Variants in DACH1 observed in about 807,000 individuals in gnomAD.
The protein encoded by DACH1 is dachshund family transcription factor 1.
In DACH1, 12 loss-of-function variants were observed where a neutral mutation model predicts 54.2. The observed-to-expected ratio is 0.22, with a 90% CI of 0.14 to 0.36. DACH1 has a LOEUF of 0.36. Ranked by LOEUF, DACH1 falls within the 10% of genes least tolerant of loss-of-function variation. The probability of loss-of-function intolerance (pLI) is 1.00; values close to 1 mark genes in which losing one functional copy is unlikely to be tolerated. For synonymous variants in DACH1, 386 were observed against 366.2 expected (o/e 1.05, Z -0.62); for missense variants, 805 against 929.8 (o/e 0.87, Z 1.75).
intron 4 of DACH1, among the ~76,000 whole-genome samples, chr13:71,568,388 C>A (rs528145260): frequency 1.3e-5 from 2 of 152,002 alleles, no homozygotes; most frequent in Non-Finnish European, 2.9e-5. Context: ...GCACAATTCA[C>A]TTCTAGAGTA....
chr13:71,501,399 G>A (rs189483192), intron 6 of DACH1, among the ~76,000 whole-genome samples: 10 of 152,256 alleles, frequency 6.6e-5, no homozygotes, highest in African/African-American at 2.2e-4. Context: ...AAGATTATGT[G>A]TTTGTGATTT....
chr13:71,651,153 T>C (rs1878635441), intron 2 of DACH1, among the ~76,000 whole-genome samples: 1 of 152,092 alleles, frequency 6.6e-6, no homozygotes, highest in Non-Finnish European at 1.5e-5. Flanking sequence ...AGTGAAAACA[T>C]GGCTGCTCAA....
intron 6 of DACH1, among the ~76,000 whole-genome samples, chr13:71,542,081 C>A (rs898017341): frequency 8.6e-5 from 13 of 151,818 alleles, no homozygotes; most frequent in Middle Eastern, 3.4e-3. Context: ...AACTCCTTCA[C>A]TATTAAAAAT....
rs569342658 is a variant in DACH1, at chr13:71,632,134, CA to C, written c.965-1418del. 4.7e-5 allele frequency among the ~76,000 whole-genome samples: 7 copies of C among 147,522 alleles called. No homozygotes were observed. The South Asian group carries it at 6.5e-4, about 14-fold the overall frequency. On this transcript the variant is annotated intron_variant, in intron 2 of 10. Coordinates refer to ENST00000613252, the MANE Select transcript of DACH1 (RefSeq NM_080759.6). ...AAGAAAAGGAAAGAAAAGAAAAAGA[CA>C]AAAAAAAAGAAAAGAAACAGAGTTT...
At chr13:71,678,114 C>T (rs147307182) in intron 2 of DACH1, among the ~76,000 whole-genome samples, 437 of 152,198 alleles carry the variant, frequency 2.9e-3, no homozygotes, top group Non-Finnish European at 4.5e-3. Flanking sequence ...ATCTTTTTAT[C>T]GTTTTCAAAT....
intron 4 of DACH1, among the ~76,000 whole-genome samples, chr13:71,561,361 A>C (rs1410602603): frequency 6.6e-6 from 1 of 152,234 alleles, no homozygotes; most frequent in Non-Finnish European, 1.5e-5. Context: ...TAATTAGTTA[A>C]GATGAGAACA....
At chr13:71,636,501 C>T (rs1261073532) in intron 2 of DACH1, among the ~76,000 whole-genome samples, 2 of 150,436 alleles carry the variant, frequency 1.3e-5, no homozygotes, top group Non-Finnish European at 3.0e-5. Context: ...AAACAAGAAA[C>T]GATGACTTTA....
At position 71,775,627 on chromosome 13, in the gene DACH1, G is replaced by A. The variant is rs571304190; in HGVS notation, c.848+90295C>T. On this transcript the variant is annotated intron_variant, in intron 1 of 10. Coordinates refer to ENST00000613252, the MANE Select transcript of DACH1 (RefSeq NM_080759.6). ...TAACATTGTCTTAGTTGTAAAATGT[G>A]AAGTCTAAACTGAATATAGTTGTCA... 7.4e-4 allele frequency among the ~76,000 whole-genome samples: 113 copies of A among 152,152 alleles called. 1 individual carries two copies. Among genetic ancestry groups the A allele is most frequent in the Middle Eastern group, 3.4e-3 (1 of 294 alleles).
chr13:71,858,534 C>T (rs1003773076), intron 1 of DACH1, among the ~76,000 whole-genome samples: 3 of 151,574 alleles, frequency 2.0e-5, no homozygotes, highest in Non-Finnish European at 1.5e-5. Context: ...CTTCAGGATT[C>T]TTAAAGATCT....
chr13:71,549,569 G>C (rs1883674755), intron 6 of DACH1, among the ~76,000 whole-genome samples: 1 of 152,174 alleles, frequency 6.6e-6, no homozygotes, highest in Non-Finnish European at 1.5e-5. Context: ...ATACAAAAAA[G>C]TTGCTAAAAT....
At chr13:71,611,354 G>A (rs1475895829) in intron 3 of DACH1, among the ~76,000 whole-genome samples, 1 of 152,158 alleles carries the variant, frequency 6.6e-6, no homozygotes, top group African/African-American at 2.4e-5. Context: ...TAAAAAAATG[G>A]TGTTTACTAA....
chr13:71,585,073 A>AT (rs548853839), intron 3 of DACH1, among the ~76,000 whole-genome samples: 1 of 152,278 alleles, frequency 6.6e-6, no homozygotes, highest in Admixed American at 6.5e-5. Context: ...TTGTTCATTC[A>AT]TTTTTTTAGC....
At chr13:71,855,818 T>A (rs182427740) in intron 1 of DACH1, among the ~76,000 whole-genome samples, 3 of 152,048 alleles carry the variant, frequency 2.0e-5, no homozygotes, top group African/African-American at 7.2e-5. Flanking sequence ...TATTTGGAAA[T>A]GTTATTACAA....
intron 3 of DACH1, among the ~76,000 whole-genome samples, chr13:71,589,325 T>C (rs999997037): frequency 9.2e-5 from 14 of 152,022 alleles, no homozygotes; most frequent in Non-Finnish European, 1.2e-4. Context: ...AATTTCGAAC[T>C]ATGCTTTAAG....
chr13:71,625,060 A>C (rs2138553666), intron 3 of DACH1, among the ~76,000 whole-genome samples: 1 of 152,082 alleles, frequency 6.6e-6, no homozygotes, highest in Non-Finnish European at 1.5e-5. Context: ...ATAGCATGCT[A>C]TGTAAATTAC....
At chr13:71,488,976 C>A in intron 7 of DACH1, 21 bp downstream of exon 7, 1 of 1,603,224 alleles carries the variant, frequency 6.2e-7, no homozygotes, top group Non-Finnish European at 8.5e-7. Flanking sequence ...TGTCTTTCTT[C>A]CAGGTTGTAA....
At chr13:71,859,274 A>AT (rs531785638) in intron 1 of DACH1, among the ~76,000 whole-genome samples, 33 of 151,564 alleles carry the variant, frequency 2.2e-4, no homozygotes, top group Admixed American at 1.4e-3. Flanking sequence ...ATGAAAGATG[A>AT]TTTTTTTTAA....
chr13:71,558,894 C>G (rs1241811553), intron 5 of DACH1, among the ~76,000 whole-genome samples: 1 of 151,986 alleles, frequency 6.6e-6, no homozygotes, highest in Non-Finnish European at 1.5e-5. Context: ...TATAAAGTGA[C>G]TTTCTAGAAA....
chr13:71,573,670 G>A (rs962408699), intron 3 of DACH1: 6 of 435,322 alleles, frequency 1.4e-5, no homozygotes, highest in East Asian at 7.1e-5. Flanking sequence ...TATCACATTT[G>A]GAGTTGGAAA....
Sources: allele counts gnomAD v4.1 joint callset (sites outside exome capture counted in the v4.1 genomes callset), GRCh38; gene constraint gnomAD v4.1.1; transcripts MANE v1.5; gene names NCBI Gene and HGNC (gene_info 2026-07-23, HGNC 2026-07-21).